The following VIPR1 variants were observed in gnomAD, a reference collection of about 807,000 sequenced individuals.
VIPR1 encodes the protein vasoactive intestinal polypeptide receptor 1.
VIPR1 carries 59 observed loss-of-function variants against 58.8 expected under a neutral mutation model. That is an observed-to-expected ratio of 1.00 (90% CI 0.81 to 1.25). The LOEUF (loss-of-function observed/expected upper bound fraction) is 1.25, where lower values mean the gene tolerates loss of function less well. VIPR1 is among the 50% of genes most tolerant of loss of function. The pLI, the probability that VIPR1 is intolerant of heterozygous loss-of-function variation, is 0.00. For missense variants in VIPR1, 626 were observed against 602.7 expected (o/e 1.04, Z -0.40); for synonymous variants, 251 against 242.1 (o/e 1.04, Z -0.34).
chr3:42,502,451 A>C (rs553353170), upstream of VIPR1, among the ~76,000 whole-genome samples: 98 of 152,316 alleles, frequency 6.4e-4, no homozygotes, highest in East Asian at 0.016. Flanking sequence ...CGGAAGACCA[A>C]GGTGTGGGAT....
chr3:42,493,246 C>G (rs1699699168), intron 1 of VIPR1, among the ~76,000 whole-genome samples: 2 of 152,186 alleles, frequency 1.3e-5, no homozygotes, highest in South Asian at 4.1e-4. Context: ...GCCACGGTCC[C>G]TGTCCAGTGG....
chr3:42,518,742 T>C (rs9820732), intron 2 of VIPR1, among the ~76,000 whole-genome samples: 1 of 151,834 alleles, frequency 6.6e-6, no homozygotes, highest in Non-Finnish European at 1.5e-5. Context: ...AAAAAATAAG[T>C]AAGTAAATGG....
rs576498699 is a variant in VIPR1, at chr3:42,496,394, T to G, written c.-245+6716T>G. Among the ~76,000 whole-genome samples the G allele has an allele frequency of 2.6e-5, 4 of 152,256 alleles. No homozygotes were observed. The South Asian group carries it at 8.3e-4, about 31-fold the overall frequency. The stretch of plus-strand genomic sequence containing the variant: ...TAGTATTGTTTGCAGATAGTATTGT[T>G]AACTCTATAAAAGTAACATTGTATC... On this transcript the variant is annotated intron_variant, in intron 1 of 13. Transcript: ENST00000433647.
Position 42,527,564 on chromosome 3 carries a change from AGCGTGGCCCAG to A in VIPR1, c.503+74_503+84del, listed in dbSNP as rs978659207. The A allele has an allele frequency of 4.9e-5, 75 of 1,516,968 alleles. No homozygotes were observed. In the African/African-American group the frequency reaches 8.6e-4, roughly 17 times the overall value. 94.0% of individuals were successfully genotyped at this position (1,516,968 alleles called of 1,614,324 possible). ...AAGTGTCCCTCCCACAGTGGAGCCC[AGCGTGGCCCAG>A]GCGTGCCCCGACCCCTCCACTGTTG... is the stretch of plus-strand genomic sequence containing the variant. On this transcript the variant is annotated intron_variant, in intron 5 of 12. Coordinates refer to ENST00000325123, the MANE Select transcript of VIPR1 (RefSeq NM_004624.4).
intron 1 of VIPR1, among the ~76,000 whole-genome samples, chr3:42,510,757 C>T (rs1284850096): frequency 2.0e-5 from 3 of 152,178 alleles, no homozygotes; most frequent in African/African-American, 7.2e-5. Flanking sequence ...ACCACACCCA[C>T]TGTTTCATAA....
chr3:42,523,094 C>CG lies in VIPR1; in HGVS notation c.293-2793_293-2792insG, dbSNP rs538538026. Among the ~76,000 whole-genome samples the CG allele has an allele frequency of 5.2e-4, 77 of 149,388 alleles. No homozygotes were observed. The East Asian group carries it at 0.013, about 26-fold the overall frequency. The stretch of plus-strand genomic sequence containing the variant: ...CTGTTGCATGCCCTGACCCCGCCCC[C>CG]AGTGGAGTGTCCTTCCCAGCACAGG... On this transcript the variant is annotated intron_variant, in intron 3 of 12. Coordinates refer to ENST00000325123, the MANE Select transcript of VIPR1 (RefSeq NM_004624.4).
At position 42,527,494 on chromosome 3, in the gene VIPR1, C is replaced by T. The variant is rs764563017; in HGVS notation, c.501C>T (p.Phe167=). The part of the protein sequence containing the change: ...LLVATAILSL[F]RKLHCTRNYI... The stretch of plus-strand genomic sequence containing the variant: ...TCGCCACAGCTATCCTGAGCCTGTT[C>T]AGGTGAGGCCCAGCCCAAGTCACAG... Residue 167 remains phenylalanine (F), a splice_region_variant and synonymous_variant, in exon 5 of 13, where the codon TTC becomes TTT. Coordinates refer to ENST00000325123, the MANE Select transcript of VIPR1 (RefSeq NM_004624.4). The T allele has an allele frequency of 6.2e-6, 10 of 1,613,490 alleles. No homozygotes were observed. In the South Asian group the frequency reaches 1.1e-4, roughly 18 times the overall value.
In VIPR1 at chr3:42,536,133, A is replaced by C; in HGVS notation, c.1226A>C (p.Gln409Pro). Reference sequence around the variant, plus strand: ...CGGAAGTGGCGGCGCTGGCACCTGCAGGGCGTCCTGGGCTGGAACCCCAAA... The same window carrying C: ...CGGAAGTGGCGGCGCTGGCACCTGCCGGGCGTCCTGGGCTGGAACCCCAAA... The part of the protein sequence containing the change: ...LRRKWRRWHL[Q>P]GVLGWNPKYR... The change falls in exon 13 of 13, where the codon CAG becomes CCG. Residue 409 changes from glutamine (Q) to proline (P), a missense_variant. By Grantham distance (76) the Gln-to-Pro change is moderately conservative. Transcript: ENST00000325123. 1.2e-6 allele frequency: 2 copies of C among 1,605,648 alleles called. No homozygotes were observed. Among genetic ancestry groups the C allele is most frequent in the Non-Finnish European group, 1.7e-6 (2 of 1,176,740 alleles).
At position 42,504,902 on chromosome 3, in the gene VIPR1, C is replaced by CAA. The variant is rs56310463; in HGVS notation, c.78+2112_78+2113dup. 2.5e-3 allele frequency among the ~76,000 whole-genome samples: 132 copies of CAA among 52,860 alleles called. 1 individual carries two copies. Among genetic ancestry groups the CAA allele is most frequent in the African/African-American group, 5.5e-3 (76 of 13,858 alleles). The allele number at this position is 52,860 out of a possible 152,430, so 34.7% of individuals were successfully genotyped here. ...AAGGAGAAATCTCTGAAAAGGGAGG[C>CAA]AAAAAAAAAAAAAAAAAAAAAAAAG... On this transcript the variant is annotated intron_variant, in intron 1 of 12. Coordinates refer to ENST00000325123, the MANE Select transcript of VIPR1 (RefSeq NM_004624.4).
chr3:42,509,896 A>C (rs898996395), intron 1 of VIPR1: 2 of 152,244 alleles, frequency 1.3e-5, no homozygotes, highest in Non-Finnish European at 2.9e-5. Flanking sequence ...TGTCCTGCCC[A>C]GGCTTCATCA....
chr3:42,536,031 C>T, intron 12 of VIPR1, 59 bp from the exon 13 acceptor site: 1 of 1,507,162 alleles, frequency 6.6e-7, no homozygotes, highest in Non-Finnish European at 8.9e-7. Flanking sequence ...CCAGGGCAGC[C>T]CAATCAGCAG....
chr3:42,510,057 G>GGCAT (rs1446041877), intron 1 of VIPR1, among the ~76,000 whole-genome samples: 1 of 152,178 alleles, frequency 6.6e-6, no homozygotes, highest in African/African-American at 2.4e-5. Context: ...CTTGAAAACT[G>GGCAT]GCATTCCAGG....
At chr3:42,528,364 G>T in intron 6 of VIPR1, 1 of 556,174 alleles carries the variant, frequency 1.8e-6, no homozygotes, top group Non-Finnish European at 3.2e-6. Context: ...GCCGCCGCCA[G>T]TGAGAAAAGC....
intron 1 of VIPR1, among the ~76,000 whole-genome samples, chr3:42,491,723 C>T (rs893727859): frequency 6.6e-6 from 1 of 152,004 alleles, no homozygotes; most frequent in Non-Finnish European, 1.5e-5. Flanking sequence ...TACAGGCGTG[C>T]ACCACTACAC....
At chr3:42,531,922 C>T (rs1016260406) in intron 9 of VIPR1, 53 bp downstream of exon 9, 22 of 1,600,490 alleles carry the variant, frequency 1.4e-5, no homozygotes, top group Admixed American at 1.0e-4. Context: ...AAAGGGCAGG[C>T]AACTTAGCCC....
Position 42,536,173 on chromosome 3 carries a change from G to A in VIPR1, c.1266G>A (p.Ser422=), listed in dbSNP as rs773020249. The A allele has an allele frequency of 3.2e-5, 51 of 1,607,366 alleles. 1 individual carries two copies. The Admixed American group carries it at 7.9e-4, about 25-fold the overall frequency. ...GGAACCCCAAATACCGGCACCCGTCGGGAGGCAGCAACGGCGCCACGTGCA... is the reference window on the plus strand; with the variant it reads ...GGAACCCCAAATACCGGCACCCGTCAGGAGGCAGCAACGGCGCCACGTGCA... ...LGWNPKYRHP[S]GGSNGATCST... is the part of the protein sequence containing the mutation. Residue 422 remains serine (S), a synonymous_variant, in exon 13 of 13, where the codon TCG becomes TCA. Coordinates refer to ENST00000325123, the MANE Select transcript of VIPR1 (RefSeq NM_004624.4).
chr3:42,535,928 C>A (rs929496102), intron 12 of VIPR1, among the ~76,000 whole-genome samples, 162 bp from the exon 13 acceptor site: 2 of 152,164 alleles, frequency 1.3e-5, no homozygotes, highest in Non-Finnish European at 2.9e-5. Flanking sequence ...GGCCTCAACC[C>A]AGTCCCAAGT....
chr3:42,489,320 A>G (rs927836236), exon 1 of VIPR1: 2 of 152,174 alleles, frequency 1.3e-5, no homozygotes, highest in Non-Finnish European at 2.9e-5. Context: ...TTACTAGTGG[A>G]AAAGCAGCTT....
chr3:42,519,352 G>C, intron 3 of VIPR1, 22 bp downstream of exon 3: 1 of 1,580,498 alleles, frequency 6.3e-7, no homozygotes, highest in Non-Finnish European at 8.6e-7. Flanking sequence ...GGGTTGAAGA[G>C]GTGATGTGAG....
Sources: gnomAD v4.1 joint callset for allele counts (sites outside exome capture counted in the v4.1 genomes callset) on GRCh38, gnomAD v4.1.1 for gene constraint, MANE v1.5 for transcripts, NCBI Gene and HGNC (gene_info 2026-07-23, HGNC 2026-07-21) for gene names.